The following NCLN variants were observed in gnomAD, a reference collection of about 807,000 sequenced individuals.
NCLN encodes BOS complex subunit NCLN.
A neutral mutation model predicts 69.5 loss-of-function variants in NCLN; 34 were observed. The observed-to-expected ratio is 0.49, with a 90% confidence interval of 0.37 to 0.65. NCLN has a LOEUF of 0.65. Among genes scored for constraint, NCLN ranks in the 30% least tolerant of loss-of-function variants. The pLI is 0.00. For synonymous variants in NCLN, 393 were observed against 358.3 expected (o/e 1.10, Z -1.09); for missense variants, 710 against 804.8 (o/e 0.88, Z 1.42).
At chr19:3,197,621 C>CTTTT (rs34357515) in intron 4 of NCLN, among the ~76,000 whole-genome samples, 8 of 130,150 alleles carry the variant, frequency 6.1e-5, no homozygotes, top group African/African-American at 2.1e-4. Context: ...TTTTGTAATT[C>CTTTT]TTTTTTTTTT....
At chr19:3,193,748 A>G (rs1026637104) in intron 3 of NCLN, among the ~76,000 whole-genome samples, 24 of 152,206 alleles carry the variant, frequency 1.6e-4, no homozygotes, top group African/African-American at 5.5e-4. Context: ...ACACACGGGC[A>G]TCTGTTCAGT....
rs137995278 is a variant in NCLN, at chr19:3,197,778, G to A, written c.616-1039G>A. ...TGGGATTACAGGTGCCCGCCACCAC[G>A]GCCAGCTAATTTTTGTATTTTTGGT... On this transcript the variant is annotated intron_variant, in intron 4 of 14. Coordinates refer to ENST00000246117, the MANE Select transcript of NCLN (RefSeq NM_020170.4). Among the ~76,000 whole-genome samples, 484 of 152,226 alleles carry A rather than the reference G, an allele frequency of 3.2e-3. 1 individual carries two copies. Among genetic ancestry groups the A allele is most frequent in the African/African-American group, 9.5e-3 (394 of 41,532 alleles).
At chr19:3,187,926 A>G (rs1355720332) in intron 1 of NCLN, among the ~76,000 whole-genome samples, 1 of 152,052 alleles carries the variant, frequency 6.6e-6, no homozygotes, top group Non-Finnish European at 1.5e-5. Context: ...AATCGCCTCC[A>G]TCTTTGCTGC....
chr19:3,207,759 C>A lies in NCLN; in HGVS notation c.*71C>A. 1.4e-6 allele frequency: 2 copies of A among 1,401,564 alleles called. No homozygotes were observed. The highest frequency in any genetic ancestry group is 1.7e-5 in the Admixed American group (1 of 58,202). The allele number at this position is 1,401,564 out of a possible 1,614,324, so 86.8% of individuals were successfully genotyped here. ...GGGGCCGAGCACGAGTGAGTGGACA[C>A]TGCCCCGCCGCGGGCGGCCCTGCAG... is the stretch of plus-strand genomic sequence containing the variant. On this transcript the variant is annotated 3_prime_UTR_variant, in exon 15 of 15. Coordinates refer to ENST00000246117, the MANE Select transcript of NCLN (RefSeq NM_020170.4).
intron 6 of NCLN, among the ~76,000 whole-genome samples, chr19:3,203,000 C>T (rs1916166849): frequency 6.6e-6 from 1 of 152,144 alleles, no homozygotes; most frequent in South Asian, 2.1e-4. Context: ...GGTGACCCTT[C>T]TAATAGCCAA....
intron 1 of NCLN, 81 bp from the exon 2 acceptor site, chr19:3,192,389 G>A (rs1308417132): frequency 1.7e-6 from 2 of 1,211,674 alleles, no homozygotes; most frequent in Non-Finnish European, 2.2e-6. Context: ...GGGCTGCTGA[G>A]TGGGTCCCTG....
intron 6 of NCLN, among the ~76,000 whole-genome samples, chr19:3,203,040 C>T (rs1285113717): frequency 6.6e-6 from 1 of 152,098 alleles, no homozygotes; most frequent in Admixed American, 6.6e-5. Context: ...TTTTGGCCTG[C>T]CTGGGTGGCT....
At chr19:3,197,741 C>T (rs1029464705) in intron 4 of NCLN, among the ~76,000 whole-genome samples, 18 of 152,128 alleles carry the variant, frequency 1.2e-4, no homozygotes, top group African/African-American at 4.3e-4. Context: ...CTGCCTCAGC[C>T]TCCTAAGTAG....
rs901485486 is a variant in NCLN, at chr19:3,189,921, G to A, written c.185-2549G>A. Among the ~76,000 whole-genome samples, 4 of 152,352 alleles carry A rather than the reference G, an allele frequency of 2.6e-5. No homozygotes were observed. In the East Asian group the frequency reaches 5.8e-4, roughly 22 times the overall value. ...GGGCGGGGCTTCGGAATGGGAGGCC[G>A]TGGCCTTCAGGGAGCTCTGGGTGCT... is the stretch of plus-strand genomic sequence containing the variant. On this transcript the variant is annotated intron_variant, in intron 1 of 14. Coordinates refer to ENST00000246117, the MANE Select transcript of NCLN (RefSeq NM_020170.4).
At chr19:3,194,685 G>A (rs1915912062) in intron 3 of NCLN, among the ~76,000 whole-genome samples, 1 of 151,580 alleles carries the variant, frequency 6.6e-6, no homozygotes, top group Admixed American at 6.6e-5. Flanking sequence ...TAATAGAAGA[G>A]TATAGTTCTG....
intron 5 of NCLN, among the ~76,000 whole-genome samples, chr19:3,199,563 C>T (rs952333151): frequency 1.3e-5 from 2 of 151,536 alleles, no homozygotes; most frequent in Non-Finnish European, 1.5e-5. Flanking sequence ...CAGCGAGGGT[C>T]GGGGGCCCTG....
At position 3,207,249 on chromosome 19, in the gene NCLN, C is replaced by T; in HGVS notation, c.1551C>T (p.Tyr517=). The stretch of plus-strand genomic sequence containing the variant: ...AGCTGAAGCAAGTGATGAATGCGTA[C>T]AGGTGAGTGGTGGCCAGCGGGACCT... ...YDQLKQVMNA[Y]RVKPAVFDLL... Residue 517 remains tyrosine, a splice_region_variant and synonymous_variant, in exon 13 of 15, where the codon TAC becomes TAT. Coordinates refer to ENST00000246117, the MANE Select transcript of NCLN (RefSeq NM_020170.4). 6.2e-7 allele frequency: 1 copy of T among 1,613,736 alleles called. No individual in the cohort carries two copies. The highest frequency in any genetic ancestry group is 8.5e-7 in the Non-Finnish European group (1 of 1,180,012).
At chr19:3,199,066 G>A (rs540232620) in intron 5 of NCLN, among the ~76,000 whole-genome samples, 169 bp downstream of exon 5, 1 of 152,208 alleles carries the variant, frequency 6.6e-6, no homozygotes, top group Non-Finnish European at 1.5e-5. Context: ...GGTGGGTGTC[G>A]TGGGGCTGAA....
intron 1 of NCLN, among the ~76,000 whole-genome samples, chr19:3,188,306 C>T (rs796927478): frequency 6.6e-6 from 1 of 152,130 alleles, no homozygotes; most frequent in Non-Finnish European, 1.5e-5. Flanking sequence ...GCTCCCTACA[C>T]TGTCCCTGGG....
intron 3 of NCLN, among the ~76,000 whole-genome samples, chr19:3,193,996 G>T (rs1343936062): frequency 2.6e-5 from 4 of 152,214 alleles, no homozygotes; most frequent in Admixed American, 2.0e-4. Context: ...CAGCTGAGGG[G>T]CTTGCCCGGG....
intron 3 of NCLN, among the ~76,000 whole-genome samples, chr19:3,193,743 C>T (rs895823925): frequency 1.3e-5 from 2 of 152,222 alleles, no homozygotes; most frequent in South Asian, 2.1e-4. Flanking sequence ...ATGAAACACA[C>T]GGGCATCTGT....
rs370383654 is a variant in NCLN at position 3,192,476 on chromosome 19, G to C, written c.191G>C (p.Arg64Pro). The C allele has an allele frequency of 2.5e-6, 4 of 1,593,996 alleles. No individual in the cohort carries two copies. The highest frequency in any genetic ancestry group is 3.4e-6 in the Non-Finnish European group (4 of 1,173,438). Residue 64 changes from arginine to proline, a missense_variant, in exon 2 of 15, where the codon CGG becomes CCG. Transcript: ENST00000246117. ...YDLQGQPYGT[R>P]NAVLNTEART... ...CCCGCCCCTGTGCCCACAGGCACACGGAATGCAGTGCTGAACACGGAGGCG... is the reference window on the plus strand; with the variant it reads ...CCCGCCCCTGTGCCCACAGGCACACCGAATGCAGTGCTGAACACGGAGGCG...
intron 7 of NCLN, 33 bp from the exon 8 acceptor site, chr19:3,203,972 C>A: frequency 6.5e-7 from 1 of 1,544,426 alleles, no homozygotes; most frequent in Non-Finnish European, 8.7e-7. Flanking sequence ...TTCCTGGTCC[C>A]CACCCACCCC....
rs952603654 is a variant in NCLN, at chr19:3,208,044, TCG to T, written c.*363_*364del. On this transcript the variant is annotated 3_prime_UTR_variant, in exon 15 of 15. Coordinates refer to ENST00000246117, the MANE Select transcript of NCLN (RefSeq NM_020170.4). ...GGAGACGCCGGGACCCCCTGCCCGA[TCG>T]CGCGCGGCCTCCGCCCACCGCCTCC... The T allele has an allele frequency of 3.7e-6, 1 of 268,556 alleles. No homozygotes were observed. The highest frequency in any genetic ancestry group is 5.3e-5 in the South Asian group (1 of 19,014). The allele number at this position is 268,556 out of a possible 1,614,324, so 16.6% of individuals were successfully genotyped here. A position where few individuals can be genotyped will look rare whatever the true frequency, so the allele number is the denominator to read the frequency against.
Sources: gnomAD v4.1 joint callset for allele counts (sites outside exome capture counted in the v4.1 genomes callset) on GRCh38, gnomAD v4.1.1 for gene constraint, MANE v1.5 for transcripts, NCBI Gene and HGNC (gene_info 2026-07-23, HGNC 2026-07-21) for gene names.